The following CSMD1 variants were observed in gnomAD, a reference collection of about 807,000 sequenced individuals.
The protein encoded by CSMD1 is CUB and sushi domain-containing protein 1.
Under a neutral mutation model 417.5 loss-of-function variants are expected in CSMD1, and 213 were observed. The observed-to-expected ratio is 0.51, with a 90% CI of 0.46 to 0.57. CSMD1 has a LOEUF of 0.57. Among genes scored for constraint, CSMD1 ranks in the 20% least tolerant of loss-of-function variants. The pLI is 0.00. For synonymous variants in CSMD1, 2,862 were observed against 1,736.8 expected (o/e 1.65, Z -16.11); for missense variants, 6,923 against 4,529.7 (o/e 1.53, Z -15.17).
At chr8:3,048,850 G>T (rs1020704322) in intron 50 of CSMD1, among the ~76,000 whole-genome samples, 1 of 150,420 alleles carries the variant, frequency 6.6e-6, no homozygotes, top group Non-Finnish European at 1.5e-5. Flanking sequence ...TAAAGAACTG[G>T]TATCTAAACT....
chr8:3,729,890 A>G (rs938853580), intron 6 of CSMD1, among the ~76,000 whole-genome samples: 5 of 148,090 alleles, frequency 3.4e-5, no homozygotes, highest in African/African-American at 1.0e-4. Flanking sequence ...GTACTCCCCA[A>G]ATCTACAGAA....
At chr8:4,300,649 G>T (rs1450867235) in intron 3 of CSMD1, among the ~76,000 whole-genome samples, 1 of 152,066 alleles carries the variant, frequency 6.6e-6, no homozygotes, top group East Asian at 1.9e-4. Flanking sequence ...TCGTCATTTA[G>T]CATTAGGTAT....
At chr8:3,735,840 T>A (rs1445454897) in intron 6 of CSMD1, among the ~76,000 whole-genome samples, 1 of 152,340 alleles carries the variant, frequency 6.6e-6, no homozygotes, top group East Asian at 1.9e-4. Context: ...AAAATATGCA[T>A]TGATTTCCTA....
chr8:4,289,146 C>T (rs1292863061), intron 3 of CSMD1, among the ~76,000 whole-genome samples: 1 of 152,150 alleles, frequency 6.6e-6, no homozygotes, highest in Non-Finnish European at 1.5e-5. Context: ...GTTCTTCTAA[C>T]ACCCGTTCTA....
At chr8:4,235,494 T>G (rs913597345) in intron 3 of CSMD1, among the ~76,000 whole-genome samples, 1 of 152,188 alleles carries the variant, frequency 6.6e-6, no homozygotes, top group East Asian at 1.9e-4. Context: ...ACATGCTTTT[T>G]AGAAAACAAA....
intron 3 of CSMD1, among the ~76,000 whole-genome samples, chr8:4,114,588 G>C (rs911048757): frequency 1.3e-5 from 2 of 152,052 alleles, no homozygotes; most frequent in African/African-American, 2.4e-5. Context: ...GCTTTCATAG[G>C]TAGGGATTCT....
intron 10 of CSMD1, among the ~76,000 whole-genome samples, chr8:3,507,352 G>A (rs1321406124): frequency 2.0e-5 from 3 of 152,120 alleles, no homozygotes; most frequent in Non-Finnish European, 2.9e-5. Flanking sequence ...TTTTATGGCA[G>A]CACAGTATTA....
chr8:3,903,499 G>C (rs755247926), intron 5 of CSMD1, among the ~76,000 whole-genome samples: 1 of 152,180 alleles, frequency 6.6e-6, no homozygotes, highest in Non-Finnish European at 1.5e-5. Flanking sequence ...CAGCAGAGAA[G>C]TGTGCTTCTC....
chr8:4,526,144 GTGT>G (rs1362684482), intron 2 of CSMD1, among the ~76,000 whole-genome samples: 1 of 152,172 alleles, frequency 6.6e-6, no homozygotes, highest in Non-Finnish European at 1.5e-5. Flanking sequence ...AAGGGAGAAA[GTGT>G]TGTTAAGAGA....
intron 35 of CSMD1, among the ~76,000 whole-genome samples, chr8:3,188,309 T>C (rs1385129986): frequency 1.1e-4 from 14 of 132,150 alleles, no homozygotes; most frequent in African/African-American, 3.9e-4. Flanking sequence ...CCTTTCTTTT[T>C]TTTTTTTTTT....
intron 3 of CSMD1, among the ~76,000 whole-genome samples, chr8:4,344,025 G>T (rs952610938): frequency 2.0e-5 from 3 of 152,140 alleles, no homozygotes; most frequent in African/African-American, 2.4e-5. Context: ...GTGAAATTGT[G>T]AATGTATACA....
At chr8:4,782,703 T>C (rs1013335505) in intron 1 of CSMD1, among the ~76,000 whole-genome samples, 3 of 152,202 alleles carry the variant, frequency 2.0e-5, no homozygotes, top group Non-Finnish European at 4.4e-5. Flanking sequence ...ATTTTATCTT[T>C]GTCGCTTTAA....
rs1382776904 is a variant in CSMD1, at chr8:4,987,973, A to G, written c.85+6359T>C. Reference sequence around the variant, plus strand: ...TGCACTGTTGACTTCCTTGCTCCACAGCTTGCTGACAGCCTATTGTGGGAA... The same window carrying G: ...TGCACTGTTGACTTCCTTGCTCCACGGCTTGCTGACAGCCTATTGTGGGAA... On this transcript the variant is annotated intron_variant, in intron 1 of 69. Coordinates refer to ENST00000635120, the MANE Select transcript of CSMD1 (RefSeq NM_033225.6). 1.3e-5 allele frequency among the ~76,000 whole-genome samples: 2 copies of G among 152,158 alleles called. 1 individual carries two copies. The highest frequency in any genetic ancestry group is 4.8e-5 in the African/African-American group (2 of 41,436).
intron 23 of CSMD1, among the ~76,000 whole-genome samples, chr8:3,315,192 C>G (rs1223893687): frequency 1.3e-5 from 2 of 152,110 alleles, no homozygotes; most frequent in Non-Finnish European, 2.9e-5. Flanking sequence ...CACACCATTT[C>G]CTTCAGTGTA....
chr8:3,117,896 G>C (rs919327697), intron 42 of CSMD1, among the ~76,000 whole-genome samples: 2 of 152,122 alleles, frequency 1.3e-5, no homozygotes, highest in South Asian at 4.1e-4. Flanking sequence ...CCACCTCCGA[G>C]TAGCAAAATG....
intron 7 of CSMD1, among the ~76,000 whole-genome samples, chr8:3,682,724 T>C (rs941508340): frequency 6.6e-6 from 1 of 152,220 alleles, no homozygotes; most frequent in African/African-American, 2.4e-5. Context: ...ATCATGCTGT[T>C]ATAAAGACAC....
intron 44 of CSMD1, among the ~76,000 whole-genome samples, 195 bp from the exon 45 acceptor site, chr8:3,107,993 T>C (rs1184671576): frequency 6.6e-6 from 1 of 152,156 alleles, no homozygotes; most frequent in African/African-American, 2.4e-5. Context: ...CAAAAAACAG[T>C]TAAAGCCCAA....
intron 57 of CSMD1, among the ~76,000 whole-genome samples, chr8:2,969,668 G>C (rs945730548): frequency 6.6e-6 from 1 of 152,138 alleles, no homozygotes; most frequent in African/African-American, 2.4e-5. Context: ...TAGAAGCTAC[G>C]CTTCCTGGAA....
intron 26 of CSMD1, among the ~76,000 whole-genome samples, chr8:3,269,059 G>C (rs1170954525): frequency 6.6e-6 from 1 of 152,162 alleles, no homozygotes; most frequent in Non-Finnish European, 1.5e-5. Flanking sequence ...TAATGTTAGA[G>C]AAAATGAATC....
Sources: gnomAD v4.1 joint callset for allele counts (sites outside exome capture counted in the v4.1 genomes callset) on GRCh38, gnomAD v4.1.1 for gene constraint, MANE v1.5 for transcripts, NCBI Gene and HGNC (gene_info 2026-07-23, HGNC 2026-07-21) for gene names.